Variants in CSMD1 observed in about 807,000 individuals in gnomAD.
The protein encoded by CSMD1 is CUB and Sushi multiple domains 1, also known as CUB and sushi domain-containing protein 1.
A neutral mutation model predicts 417.5 loss-of-function variants in CSMD1; 213 were observed. That is an observed-to-expected ratio of 0.51 (90% CI 0.46 to 0.57). The LOEUF (loss-of-function observed/expected upper bound fraction) is 0.57, where lower values mean the gene tolerates loss of function less well. Ranked by LOEUF, CSMD1 falls within the 20% of genes least tolerant of loss-of-function variation. The pLI is 0.00. For missense variants in CSMD1, 6,923 were observed against 4,529.7 expected (o/e 1.53, Z -15.17); for synonymous variants, 2,862 against 1,736.8 (o/e 1.65, Z -16.11).
At chr8:3,835,045 G>C (rs184347332) in intron 5 of CSMD1, among the ~76,000 whole-genome samples, 1 of 151,960 alleles carries the variant, frequency 6.6e-6, no homozygotes, top group Admixed American at 6.6e-5. Context: ...TTAGAATGGC[G>C]ATCATTAAAA....
intron 1 of CSMD1, among the ~76,000 whole-genome samples, chr8:4,805,992 A>G (rs1344220162): frequency 6.6e-6 from 1 of 152,206 alleles, no homozygotes; most frequent in Non-Finnish European, 1.5e-5. Flanking sequence ...TCTCACACAA[A>G]CTAAATACTC....
chr8:3,166,827 G>C (rs916228366), intron 37 of CSMD1, among the ~76,000 whole-genome samples: 11 of 152,184 alleles, frequency 7.2e-5, no homozygotes, highest in African/African-American at 2.7e-4. Context: ...GAAAATTCTA[G>C]ATTAATTTTC....
intron 2 of CSMD1, among the ~76,000 whole-genome samples, chr8:4,480,076 T>G (rs1309904789): frequency 6.6e-6 from 1 of 151,682 alleles, no homozygotes; most frequent in Non-Finnish European, 1.5e-5. Context: ...GTTAGAGAAG[T>G]TTGAAGTAGC....
intron 17 of CSMD1, among the ~76,000 whole-genome samples, chr8:3,392,602 A>T (rs1202351890): frequency 1.3e-5 from 2 of 151,726 alleles, no homozygotes; most frequent in Non-Finnish European, 2.9e-5. Flanking sequence ...GGAGCCCGGG[A>T]TCTGCGTCTG....
intron 3 of CSMD1, among the ~76,000 whole-genome samples, chr8:4,220,713 T>C (rs1210610265): frequency 2.0e-5 from 3 of 152,124 alleles, no homozygotes; most frequent in Non-Finnish European, 2.9e-5. Flanking sequence ...GGTGCATGCA[T>C]TGAGCAATTC....
intron 23 of CSMD1, among the ~76,000 whole-genome samples, chr8:3,340,444 T>C (rs1265658304): frequency 1.3e-5 from 2 of 152,210 alleles, no homozygotes; most frequent in African/African-American, 4.8e-5. Flanking sequence ...AATCTACTCA[T>C]GTATATGCAT....
intron 1 of CSMD1, among the ~76,000 whole-genome samples, chr8:4,838,447 G>A (rs761032757): frequency 1.3e-5 from 2 of 152,204 alleles, no homozygotes; most frequent in African/African-American, 2.4e-5. Flanking sequence ...CCAGAGGGAA[G>A]GGAAACAAGA....
At chr8:3,659,690 C>T (rs1462740460) in intron 7 of CSMD1, among the ~76,000 whole-genome samples, 1 of 151,914 alleles carries the variant, frequency 6.6e-6, no homozygotes, top group East Asian at 1.9e-4. Flanking sequence ...ACAATATGGG[C>T]TTTCCAAACA....
intron 46 of CSMD1, among the ~76,000 whole-genome samples, chr8:3,102,126 G>A (rs1273964591): frequency 6.6e-6 from 1 of 152,198 alleles, no homozygotes; most frequent in Non-Finnish European, 1.5e-5. Flanking sequence ...GACATTTGAA[G>A]AAGACAGACT....
intron 1 of CSMD1, among the ~76,000 whole-genome samples, chr8:4,702,806 G>A (rs1300977132): frequency 6.6e-6 from 1 of 152,082 alleles, no homozygotes; most frequent in Non-Finnish European, 1.5e-5. Context: ...AATAATAATA[G>A]CGGGATTCAT....
chr8:4,845,005 CATA>C (rs1410553310), intron 1 of CSMD1, among the ~76,000 whole-genome samples: 3 of 152,134 alleles, frequency 2.0e-5, no homozygotes, highest in Non-Finnish European at 4.4e-5. Flanking sequence ...ATCATTTTCA[CATA>C]ATACTTAGCA....
intron 8 of CSMD1, among the ~76,000 whole-genome samples, chr8:3,589,118 T>C (rs753440151): frequency 1.1e-4 from 16 of 152,200 alleles, no homozygotes; most frequent in Non-Finnish European, 2.2e-4. Flanking sequence ...GGAACCCTTG[T>C]ACATTGTTGT....
chr8:3,628,251 T>A (rs1796592316), intron 7 of CSMD1, among the ~76,000 whole-genome samples: 1 of 152,120 alleles, frequency 6.6e-6, no homozygotes, highest in Non-Finnish European at 1.5e-5. Flanking sequence ...ATGAGAATAG[T>A]TCTTTCTTTA....
chr8:3,628,955 G>T (rs192997972), intron 7 of CSMD1, among the ~76,000 whole-genome samples: 48 of 151,774 alleles, frequency 3.2e-4, no homozygotes, highest in Admixed American at 3.0e-3. Flanking sequence ...AACAAAAGAA[G>T]AATAAAAGAT....
At chr8:3,302,412 G>C (rs188633852) in intron 25 of CSMD1, among the ~76,000 whole-genome samples, 1 of 152,142 alleles carries the variant, frequency 6.6e-6, no homozygotes, top group East Asian at 1.9e-4. Context: ...AGGTCTCTCC[G>C]CACAGCAGTG....
chr8:3,857,354 C>A (rs887211476), intron 5 of CSMD1, among the ~76,000 whole-genome samples: 2 of 152,080 alleles, frequency 1.3e-5, no homozygotes, highest in Non-Finnish European at 1.5e-5. Flanking sequence ...CAAAACTACA[C>A]AAACAAAGCT....
At chr8:4,051,403 T>C (rs1424589389) in intron 3 of CSMD1, among the ~76,000 whole-genome samples, 1 of 151,824 alleles carries the variant, frequency 6.6e-6, no homozygotes. Context: ...CCCAGTAGCA[T>C]AATGTAGTTA....
intron 4 of CSMD1, among the ~76,000 whole-genome samples, chr8:4,025,208 G>A (rs1797000450): frequency 6.6e-6 from 1 of 152,220 alleles, no homozygotes; most frequent in Non-Finnish European, 1.5e-5. Flanking sequence ...TGGATCAGAT[G>A]TTAGCTTTCT....
intron 1 of CSMD1, among the ~76,000 whole-genome samples, chr8:4,836,717 G>A (rs184581988): frequency 1.1e-3 from 160 of 152,136 alleles, no homozygotes; most frequent in Non-Finnish European, 1.6e-3. Context: ...ATGGAGCAAA[G>A]AAGTCACAAG....
Sources: gnomAD v4.1 joint callset for allele counts (sites outside exome capture counted in the v4.1 genomes callset) on GRCh38, gnomAD v4.1.1 for gene constraint, MANE v1.5 for transcripts, NCBI Gene and HGNC (gene_info 2026-07-23, HGNC 2026-07-21) for gene names.